CMTM8: variants seen among roughly 807,000 people sequenced by gnomAD.
CMTM8 encodes CKLF like MARVEL transmembrane domain containing 8.
CMTM8 carries 12 observed loss-of-function variants against 18.6 expected under a neutral mutation model. The observed-to-expected ratio is 0.65, with a 90% CI of 0.41 to 1.05. The LOEUF is 1.05. Among genes scored for constraint, CMTM8 ranks in the 50% least tolerant of loss-of-function variants. The pLI is 0.00. For missense variants in CMTM8, 217 were observed against 227.2 expected, an observed-to-expected ratio of 0.95 and a Z score of 0.29; for synonymous variants, 87 against 90.6, an observed-to-expected ratio of 0.96 and a Z score of 0.23.
chr3:32,344,468 A>G (rs1696556738), intron 1 of CMTM8, among the ~76,000 whole-genome samples: 1 of 152,220 alleles, frequency 6.6e-6, no homozygotes, highest in African/African-American at 2.4e-5. Flanking sequence ...AATAATACTC[A>G]GTAGGTATTT....
At chr3:32,265,245 C>A (rs1452153729) in intron 1 of CMTM8, among the ~76,000 whole-genome samples, 1 of 152,186 alleles carries the variant, frequency 6.6e-6, no homozygotes, top group South Asian at 2.1e-4. Context: ...GAAATTATAA[C>A]AAACTGTCTC....
At chr3:32,287,676 G>T (rs1702708666) in intron 1 of CMTM8, among the ~76,000 whole-genome samples, 1 of 152,182 alleles carries the variant, frequency 6.6e-6, no homozygotes, top group African/African-American at 2.4e-5. Context: ...CGATTAGATT[G>T]TGAGAATCCA....
chr3:32,288,554 G>A (rs1702722521), intron 1 of CMTM8, among the ~76,000 whole-genome samples: 2 of 151,422 alleles, frequency 1.3e-5, no homozygotes, highest in Admixed American at 1.3e-4. Context: ...AGGCTGCAGT[G>A]CAGTGGCACA....
Position 32,357,544 on chromosome 3 carries a change from G to A in CMTM8, c.319G>A (p.Val107Met). 1 of 1,614,028 alleles carries A rather than the reference G, an allele frequency of 6.2e-7. No homozygotes were observed. Among genetic ancestry groups the A allele is most frequent in the Non-Finnish European group, 8.5e-7 (1 of 1,179,918 alleles). Reference protein sequence around the residue: ...TRIPQVPWTTVGLCFNGSAFV... With the variant: ...TRIPQVPWTTMGLCFNGSAFV... ...GATTCCCCAGGTGCCCTGGACAACA[G>A]TGGTAAGGAAGCTGTGGGTGGTGGT... The change falls in exon 2 of 4, where the codon GTG becomes ATG. Residue 107 changes from valine (V) to methionine (M), a missense_variant and splice_region_variant. By Grantham distance (21) the Val-to-Met change is conservative. Coordinates refer to ENST00000307526, the MANE Select transcript of CMTM8 (RefSeq NM_178868.5).
intron 1 of CMTM8, among the ~76,000 whole-genome samples, chr3:32,324,505 T>A (rs1696118715): frequency 6.6e-6 from 1 of 152,240 alleles, no homozygotes; most frequent in Non-Finnish European, 1.5e-5. Context: ...TCAGGTTTAT[T>A]GGCTTGTTTT....
At chr3:32,250,719 C>T (rs1206430728) in intron 1 of CMTM8, among the ~76,000 whole-genome samples, 1 of 151,798 alleles carries the variant, frequency 6.6e-6, no homozygotes, top group East Asian at 1.9e-4. Flanking sequence ...TATAGAACTC[C>T]AATTGAGTTC....
intron 1 of CMTM8, among the ~76,000 whole-genome samples, chr3:32,311,895 G>T (rs773394349): frequency 1.3e-5 from 2 of 152,190 alleles, no homozygotes; most frequent in Non-Finnish European, 2.9e-5. Flanking sequence ...GTAGAGAATT[G>T]CTTTGGGATA....
intron 1 of CMTM8, among the ~76,000 whole-genome samples, chr3:32,297,754 G>A (rs928751693): frequency 4.0e-5 from 6 of 151,834 alleles, no homozygotes; most frequent in African/African-American, 1.5e-4. Context: ...GCTTGTGGAA[G>A]TTAAGGAAAG....
intron 1 of CMTM8, among the ~76,000 whole-genome samples, chr3:32,293,699 A>G (rs963584741): frequency 6.6e-6 from 1 of 152,180 alleles, no homozygotes; most frequent in African/African-American, 2.4e-5. Flanking sequence ...TACAAAAATT[A>G]GCCAGGTGTA....
chr3:32,254,400 T>G (rs896205388), intron 1 of CMTM8, among the ~76,000 whole-genome samples: 3 of 152,184 alleles, frequency 2.0e-5, no homozygotes, highest in African/African-American at 7.2e-5. Context: ...CTTCTATATG[T>G]ATCATATAGT....
rs372645735 is a variant in CMTM8, at chr3:32,325,675, A to G, written c.148-31698A>G. Among the ~76,000 whole-genome samples, 17 of 152,310 alleles carry G rather than the reference A, an allele frequency of 1.1e-4. 1 individual carries two copies. In the East Asian group the frequency reaches 2.5e-3, roughly 22 times the overall value. The stretch of plus-strand genomic sequence containing the variant: ...ATTTTTGTGAGCTGTCTCCTCCCCT[A>G]CAATATTTCTGGTTGTGATTTTCAA... On this transcript the variant is annotated intron_variant, in intron 1 of 3. Transcript: ENST00000307526.
At chr3:32,276,201 C>G (rs1702515668) in intron 1 of CMTM8, among the ~76,000 whole-genome samples, 1 of 152,142 alleles carries the variant, frequency 6.6e-6, no homozygotes, top group Non-Finnish European at 1.5e-5. Context: ...CTCCTCCTCT[C>G]CAAATCCTTC....
chr3:32,365,927 T>C (rs1697024334), intron 2 of CMTM8, among the ~76,000 whole-genome samples: 1 of 152,208 alleles, frequency 6.6e-6, no homozygotes, highest in Non-Finnish European at 1.5e-5. Context: ...TAGAACCCTC[T>C]GAAGCTTCAC....
At chr3:32,346,812 TTC>T (rs1374204909) in intron 1 of CMTM8, among the ~76,000 whole-genome samples, 2 of 90,936 alleles carry the variant, frequency 2.2e-5, no homozygotes, top group Non-Finnish European at 5.1e-5. Flanking sequence ...CATGTTATAA[TTC>T]TTTTTTTTTT....
chr3:32,291,342 G>A (rs1356210156), intron 1 of CMTM8, among the ~76,000 whole-genome samples: 3 of 151,622 alleles, frequency 2.0e-5, no homozygotes, highest in African/African-American at 4.9e-5. Flanking sequence ...GGGTTTCACC[G>A]TGTTAGCCGG....
At chr3:32,294,542 C>T (rs180702133) in intron 1 of CMTM8, among the ~76,000 whole-genome samples, 1 of 152,216 alleles carries the variant, frequency 6.6e-6, no homozygotes, top group Non-Finnish European at 1.5e-5. Context: ...CACTTACTAT[C>T]TCTGGATCCT....
chr3:32,286,616 G>A (rs537448482), intron 1 of CMTM8, among the ~76,000 whole-genome samples: 3 of 152,174 alleles, frequency 2.0e-5, no homozygotes, highest in Non-Finnish European at 4.4e-5. Flanking sequence ...TTTCCCATAG[G>A]AAGGCGTAAC....
intron 1 of CMTM8, among the ~76,000 whole-genome samples, chr3:32,328,619 CAACTA>C (rs1326350192): frequency 2.0e-5 from 3 of 149,626 alleles, no homozygotes; most frequent in Non-Finnish European, 1.5e-5. Context: ...ACCCTTAGCT[CAACTA>C]TGAAAAAACA....
At chr3:32,317,941 G>A (rs182835962) in intron 1 of CMTM8, among the ~76,000 whole-genome samples, 1 of 151,444 alleles carries the variant, frequency 6.6e-6, no homozygotes, top group Non-Finnish European at 1.5e-5. Flanking sequence ...TGTAATTCCA[G>A]CTACTTGGGA....
Sources: allele counts gnomAD v4.1 joint callset (sites outside exome capture counted in the v4.1 genomes callset), GRCh38; gene constraint gnomAD v4.1.1; transcripts MANE v1.5; gene names NCBI Gene and HGNC (gene_info 2026-07-23, HGNC 2026-07-21).